NXPH1: variants seen among roughly 807,000 people sequenced by gnomAD.
NXPH1 encodes the protein neurexophilin-1.
Under a neutral mutation model 23.7 loss-of-function variants are expected in NXPH1, and 5 were observed. The observed-to-expected ratio is 0.21, with a 90% CI of 0.11 to 0.44. NXPH1 has a LOEUF of 0.44. NXPH1 is among the 20% of genes least tolerant of loss of function. NXPH1 has a pLI of 0.99. For missense variants in NXPH1, 324 were observed against 321.6 expected, an observed-to-expected ratio of 1.01 and a Z score of -0.06; for synonymous variants, 144 against 122.2, an observed-to-expected ratio of 1.18 and a Z score of -1.18.
At chr7:8,491,763 A>C (rs1285372384) in intron 2 of NXPH1, among the ~76,000 whole-genome samples, 2 of 152,104 alleles carry the variant, frequency 1.3e-5, no homozygotes, top group African/African-American at 2.4e-5. Flanking sequence ...TGATGAAAGC[A>C]CTGAAATATC....
chr7:8,544,345 C>T (rs1025733065), intron 2 of NXPH1, among the ~76,000 whole-genome samples: 1 of 151,568 alleles, frequency 6.6e-6, no homozygotes, highest in African/African-American at 2.4e-5. Context: ...GGAGCACCCT[C>T]CTACCACGAT....
intron 2 of NXPH1, among the ~76,000 whole-genome samples, chr7:8,713,126 T>C (rs1388536213): frequency 6.6e-6 from 1 of 152,104 alleles, no homozygotes; most frequent in Non-Finnish European, 1.5e-5. Flanking sequence ...TGCTTCATTC[T>C]TTTTTATTCT....
In NXPH1 at chr7:8,674,075, T is replaced by A. The variant is rs1019455610; in HGVS notation, c.55-76933T>A. ...TGGAGTTGTGCCTAAGTAAAAATTA[T>A]TTTTTCTATTGTGAAAATATCAATT... is the stretch of plus-strand genomic sequence containing the variant. On this transcript the variant is annotated intron_variant, in intron 2 of 2. Coordinates refer to ENST00000405863, the MANE Select transcript of NXPH1 (RefSeq NM_152745.3). Among the ~76,000 whole-genome samples the A allele has an allele frequency of 2.7e-5, 4 of 147,004 alleles. No individual in the cohort carries two copies. The East Asian group carries it at 7.7e-4, about 28-fold the overall frequency.
intron 2 of NXPH1, among the ~76,000 whole-genome samples, chr7:8,633,966 C>G (rs1820174625): frequency 6.6e-6 from 1 of 152,098 alleles, no homozygotes; most frequent in Non-Finnish European, 1.5e-5. Context: ...TTAAGAGCAT[C>G]TGTAAATAGA....
chr7:8,618,194 T>C (rs1819787425), intron 2 of NXPH1, among the ~76,000 whole-genome samples: 1 of 152,152 alleles, frequency 6.6e-6, no homozygotes, highest in African/African-American at 2.4e-5. Context: ...TGGATACTCA[T>C]GTTTGTACTT....
chr7:8,504,214 T>G (rs1027106275), intron 2 of NXPH1, among the ~76,000 whole-genome samples: 4 of 152,178 alleles, frequency 2.6e-5, no homozygotes, highest in African/African-American at 9.6e-5. Context: ...ATTTTTCTCT[T>G]GTAGTATTGC....
At chr7:8,686,488 T>C (rs1821146965) in intron 2 of NXPH1, among the ~76,000 whole-genome samples, 2 of 152,122 alleles carry the variant, frequency 1.3e-5, no homozygotes, top group African/African-American at 2.4e-5. Flanking sequence ...AAAAATAATA[T>C]AGTGCCTGGT....
At chr7:8,732,938 T>A (rs1780183756) in intron 2 of NXPH1, among the ~76,000 whole-genome samples, 1 of 152,216 alleles carries the variant, frequency 6.6e-6, no homozygotes, top group Non-Finnish European at 1.5e-5. Flanking sequence ...GCAGATTTGT[T>A]ACATAGGTAT....
At chr7:8,568,497 A>AT (rs1022876375) in intron 2 of NXPH1, among the ~76,000 whole-genome samples, 2 of 151,708 alleles carry the variant, frequency 1.3e-5, no homozygotes, top group African/African-American at 4.8e-5. Flanking sequence ...TGAGGAGACC[A>AT]TTTTTTGTTT....
chr7:8,681,693 C>A (rs1224894072), intron 2 of NXPH1, among the ~76,000 whole-genome samples: 18 of 152,158 alleles, frequency 1.2e-4, no homozygotes, highest in Non-Finnish European at 2.5e-4. Context: ...GAAATGAAAT[C>A]TTAATTATTA....
intron 2 of NXPH1, among the ~76,000 whole-genome samples, chr7:8,644,264 G>A (rs548442572): frequency 1.1e-3 from 166 of 152,276 alleles, no homozygotes; most frequent in South Asian, 3.7e-3. Flanking sequence ...GAGAAGGAGG[G>A]CCAACACTGA....
intron 2 of NXPH1, among the ~76,000 whole-genome samples, chr7:8,669,167 G>A (rs532333921): frequency 1.4e-4 from 22 of 152,350 alleles, no homozygotes; most frequent in Non-Finnish European, 2.6e-4. Context: ...GTCTGCTGGT[G>A]TGGGTGTGTG....
At chr7:8,717,778 C>T (rs1222391210) in intron 2 of NXPH1, among the ~76,000 whole-genome samples, 1 of 152,044 alleles carries the variant, frequency 6.6e-6, no homozygotes, top group Admixed American at 6.6e-5. Flanking sequence ...TTGATCTTTA[C>T]ATCATTCATG....
At chr7:8,503,174 A>T (rs1452995277) in intron 2 of NXPH1, among the ~76,000 whole-genome samples, 3 of 152,076 alleles carry the variant, frequency 2.0e-5, no homozygotes, top group African/African-American at 4.8e-5. Flanking sequence ...CAAAATCAAA[A>T]CATTGATAAC....
chr7:8,587,986 T>A (rs12333989), intron 2 of NXPH1, among the ~76,000 whole-genome samples: 1 of 151,676 alleles, frequency 6.6e-6, no homozygotes, highest in African/African-American at 2.4e-5. Context: ...GGCCAACAAA[T>A]GTATGAAAAA....
rs538540366 is a variant in NXPH1, at chr7:8,572,758, T to G, written c.54+136991T>G. Among the ~76,000 whole-genome samples the G allele has an allele frequency of 2.1e-3, 321 of 152,186 alleles. 5 individuals carry two copies. Among genetic ancestry groups the G allele is most frequent in the African/African-American group, 7.4e-3 (307 of 41,538 alleles). ...AAGACTTGGGTATATATTAGTTTTT[T>G]TTCAATTAAATTCAACAAATATATC... On this transcript the variant is annotated intron_variant, in intron 2 of 2. Coordinates refer to ENST00000405863, the MANE Select transcript of NXPH1 (RefSeq NM_152745.3).
intron 2 of NXPH1, among the ~76,000 whole-genome samples, chr7:8,648,312 C>A (rs1167510803): frequency 6.6e-6 from 1 of 152,148 alleles, no homozygotes; most frequent in Non-Finnish European, 1.5e-5. Context: ...CCCAATCCCC[C>A]CACTACCTTT....
chr7:8,544,235 T>G (rs1818161663), intron 2 of NXPH1, among the ~76,000 whole-genome samples: 1 of 4,136 alleles, frequency 2.4e-4, no homozygotes, highest in Admixed American at 8.2e-3. Context: ...TTGTTTGCTG[T>G]GGATAACTTA....
At position 8,643,989 on chromosome 7, in the gene NXPH1, G is replaced by A. The variant is rs546469054; in HGVS notation, c.55-107019G>A. Among the ~76,000 whole-genome samples the A allele has an allele frequency of 1.1e-3, 166 of 152,080 alleles. 2 individuals are homozygous for A. In the South Asian group the frequency reaches 0.032, roughly 29 times the overall value. ...ACGTGCTCATAGAGGGCTTTCTTTG[G>A]GGTTCATGGACAACAACAGGCTGAA... On this transcript the variant is annotated intron_variant, in intron 2 of 2. Coordinates refer to ENST00000405863, the MANE Select transcript of NXPH1 (RefSeq NM_152745.3).
Sources: gnomAD v4.1 joint callset for allele counts (sites outside exome capture counted in the v4.1 genomes callset) on GRCh38, gnomAD v4.1.1 for gene constraint, MANE v1.5 for transcripts, NCBI Gene and HGNC (gene_info 2026-07-23, HGNC 2026-07-21) for gene names.